DLEC1: variants seen among roughly 807,000 people sequenced by gnomAD.
The protein encoded by DLEC1 is DLEC1 cilia and flagella associated protein.
Under a neutral mutation model 198.1 loss-of-function variants are expected in DLEC1, and 146 were observed. The observed-to-expected ratio is 0.74, with a 90% CI of 0.64 to 0.85. The LOEUF (loss-of-function observed/expected upper bound fraction) is 0.85. DLEC1 is among the 40% of genes least tolerant of loss of function. DLEC1 has a pLI of 0.00. For missense variants in DLEC1, 2,233 were observed against 2,220.0 expected (o/e 1.01, Z -0.12); for synonymous variants, 897 against 866.8 (o/e 1.03, Z -0.61).
chr3:38,058,709 A>T (rs1356849673), intron 2 of DLEC1, among the ~76,000 whole-genome samples: 4 of 152,138 alleles, frequency 2.6e-5, no homozygotes, highest in Non-Finnish European at 5.9e-5. Flanking sequence ...GTGACCTGTA[A>T]TGTAAACATG....
At chr3:38,110,303 T>C in intron 23 of DLEC1, 22 bp downstream of exon 23, 1 of 1,613,352 alleles carries the variant, frequency 6.2e-7, no homozygotes, top group Non-Finnish European at 8.5e-7. Flanking sequence ...TTCTTTCACT[T>C]CCCAGGGCAG....
At position 38,085,321 on chromosome 3, in the gene DLEC1, C is replaced by G; in HGVS notation, c.1309C>G (p.Gln437Glu). 1.2e-6 allele frequency: 2 copies of G among 1,614,138 alleles called. No homozygotes were observed. The highest frequency in any genetic ancestry group is 1.1e-5 in the South Asian group (1 of 91,088). ...AATGGTGGCTCCTGGAATGACCTGC[C>G]AGTACATTGTCCAGTTTTTTCCCGA... is the stretch of plus-strand genomic sequence containing the variant. ...GGMVAPGMTC[Q>E]YIVQFFPDCL... Residue 437 changes from glutamine (Q) to glutamate (E), a missense_variant, in exon 8 of 37, where the codon CAG becomes GAG. Physicochemically the swap from Gln to Glu is conservative, Grantham distance 29 (BLOSUM62 2). Transcript: ENST00000308059.
chr3:38,078,407 T>C (rs1163427239), intron 6 of DLEC1, among the ~76,000 whole-genome samples: 1 of 152,180 alleles, frequency 6.6e-6, no homozygotes, highest in Non-Finnish European at 1.5e-5. Context: ...TCAAGTTGTT[T>C]GGACAGAAAG....
Position 38,094,827 on chromosome 3 carries a change from G to T in DLEC1, c.1920-52G>T, listed in dbSNP as rs530823518. ...AGGGCAGGGAGGCATGGGGTGGAGGGACCTGGTCCCAGCAGAACTGGGACA... is the reference window on the plus strand; with the variant it reads ...AGGGCAGGGAGGCATGGGGTGGAGGTACCTGGTCCCAGCAGAACTGGGACA... On this transcript the variant is annotated intron_variant, in intron 12 of 36. Transcript: ENST00000308059. 37 of 1,592,502 alleles carry T rather than the reference G, an allele frequency of 2.3e-5. No individual in the cohort carries two copies. The South Asian group carries it at 3.2e-4, about 14-fold the overall frequency.
chr3:38,040,111 G>A (rs1300222062), intron 1 of DLEC1, among the ~76,000 whole-genome samples: 1 of 152,106 alleles, frequency 6.6e-6, no homozygotes, highest in Non-Finnish European at 1.5e-5. Context: ...CAGCTGACTC[G>A]CGGCCTCTGT....
At chr3:38,099,965 ACCAGCTCTCCTCTGGCTCC>A (rs1049281256) in intron 18 of DLEC1, among the ~76,000 whole-genome samples, 6 of 152,138 alleles carry the variant, frequency 3.9e-5, no homozygotes, top group Non-Finnish European at 8.8e-5. Flanking sequence ...AGTTTGGCTC[ACCAGCTCTCCTCTGGCTCC>A]CCAGCTCTCC....
rs149905207 is a variant in DLEC1, at chr3:38,045,891, C to T, written c.562+198C>T. On this transcript the variant is annotated intron_variant, in intron 2 of 36. Transcript: ENST00000308059. ...TGTATGTGTATCTTCAAAACAAGGA[C>T]GCTCTCCTACATAACCAGCATATAA... Among the ~76,000 whole-genome samples the T allele has an allele frequency of 3.3e-4, 50 of 152,270 alleles. 1 individual carries two copies. Among genetic ancestry groups the T allele is most frequent in the African/African-American group, 7.0e-4 (29 of 41,540 alleles).
intron 2 of DLEC1, among the ~76,000 whole-genome samples, chr3:38,048,893 G>A (rs1700991386): frequency 6.6e-6 from 1 of 152,138 alleles, no homozygotes; most frequent in Non-Finnish European, 1.5e-5. Context: ...CAGTGTAGCT[G>A]CAAGGACCCC....
At chr3:38,075,480 G>A (rs1697558607) in intron 6 of DLEC1, among the ~76,000 whole-genome samples, 1 of 152,038 alleles carries the variant, frequency 6.6e-6, no homozygotes, top group Non-Finnish European at 1.5e-5. Flanking sequence ...ACAGGCTAAG[G>A]GAGAAGAAGG....
At chr3:38,115,644 C>T (rs910931356) in intron 27 of DLEC1, among the ~76,000 whole-genome samples, 4 of 151,988 alleles carry the variant, frequency 2.6e-5, no homozygotes, top group Non-Finnish European at 4.4e-5. Context: ...AGGAGAGCTG[C>T]GAGCAGGACT....
At chr3:38,063,353 C>T (rs1017087536) in intron 5 of DLEC1, among the ~76,000 whole-genome samples, 2 of 152,084 alleles carry the variant, frequency 1.3e-5, no homozygotes, top group South Asian at 2.1e-4. Context: ...ATCCCAGCCA[C>T]TTGGGAGGCG....
At chr3:38,084,118 A>G in intron 6 of DLEC1, 40 bp from the exon 7 acceptor site, 2 of 1,577,462 alleles carry the variant, frequency 1.3e-6, no homozygotes, top group Non-Finnish European at 1.7e-6. Context: ...TTCGTCTATA[A>G]GTGTTGCTGT....
chr3:38,065,330 G>GAGGGAA (rs1696966536), intron 6 of DLEC1, among the ~76,000 whole-genome samples: 1 of 148,212 alleles, frequency 6.7e-6, no homozygotes, highest in African/African-American at 2.6e-5. Flanking sequence ...AGACCGTGCA[G>GAGGGAA]AGGGAGAGGG....
chr3:38,075,884 G>A (rs1381114947), intron 6 of DLEC1, among the ~76,000 whole-genome samples: 1 of 151,996 alleles, frequency 6.6e-6, no homozygotes, highest in Non-Finnish European at 1.5e-5. Flanking sequence ...AGGGGTTGGG[G>A]TACTTGCCCC....
intron 1 of DLEC1, 73 bp downstream of exon 1, chr3:38,039,709 A>G: frequency 1.3e-6 from 2 of 1,504,760 alleles, no homozygotes; most frequent in Non-Finnish European, 8.9e-7. Flanking sequence ...AGCACCTGCC[A>G]GGTGCCAGGC....
chr3:38,098,602 A>C, intron 18 of DLEC1, among the ~76,000 whole-genome samples: 1 of 150,486 alleles, frequency 6.6e-6, no homozygotes. Flanking sequence ...TGGTGACCAC[A>C]CTCTCCTTCT....
chr3:38,039,401 T>C lies in DLEC1; in HGVS notation c.176T>C (p.Phe59Ser). 6.2e-7 allele frequency: 1 copy of C among 1,614,028 alleles called. No individual in the cohort carries two copies. The highest frequency in any genetic ancestry group is 8.5e-7 in the Non-Finnish European group (1 of 1,179,912). ...TACTCTGAGGCCTTCCACTACAGCT[T>C]CGCAGCCCGGCCCCGCCGCCTCACG... is the stretch of plus-strand genomic sequence containing the variant. ...LAYSEAFHYS[F>S]AARPRRLTQL... Residue 59 changes from phenylalanine to serine, a missense_variant, in exon 1 of 37, where the codon TTC becomes TCC. Transcript: ENST00000308059.
At chr3:38,121,337 G>A (rs950193913) in intron 34 of DLEC1, among the ~76,000 whole-genome samples, 15 of 152,242 alleles carry the variant, frequency 9.9e-5, no homozygotes, top group Non-Finnish European at 1.6e-4. Context: ...CACAGGAGGA[G>A]CAGTGAAGGA....
chr3:38,092,805 A>G lies in DLEC1; in HGVS notation c.1681A>G (p.Lys561Glu), dbSNP rs370318185. 3.1e-6 allele frequency: 5 copies of G among 1,614,026 alleles called. 1 individual carries two copies. The African/African-American group carries it at 4.0e-5, about 13-fold the overall frequency. ...AILVEVLFSP[K>E]SLGKAEQTFI... is the part of the protein sequence containing the mutation. ...TCTCCCCCAGGTCTTGTTTTCCCCA[A>G]AGAGCCTAGGAAAGGCAGAGCAGAC... is the stretch of plus-strand genomic sequence containing the variant. The change falls in exon 11 of 37, where the codon AAG (lysine) becomes GAG (glutamate). Residue 561 changes from lysine (K) to glutamate (E), a missense_variant. By Grantham distance (56) the Lys-to-Glu change is moderately conservative. Coordinates refer to ENST00000308059, the MANE Select transcript of DLEC1 (RefSeq NM_007335.4).
Sources: gnomAD v4.1 joint callset for allele counts (sites outside exome capture counted in the v4.1 genomes callset) on GRCh38, gnomAD v4.1.1 for gene constraint, MANE v1.5 for transcripts, NCBI Gene and HGNC (gene_info 2026-07-23, HGNC 2026-07-21) for gene names.